The following FAXDC2 variants were observed in gnomAD, a reference collection of about 807,000 sequenced individuals.
FAXDC2 encodes the protein fatty acid hydroxylase domain-containing protein 2.
Under a neutral mutation model 40.9 loss-of-function variants are expected in FAXDC2, and 41 were observed. The ratio of observed to expected loss-of-function variants is 1.00; its 90% confidence interval spans 0.78 to 1.30. The LOEUF is 1.30. FAXDC2 is among the 50% of genes most tolerant of loss of function. FAXDC2 has a pLI of 0.00. For synonymous variants in FAXDC2, 157 were observed against 149.3 expected (o/e 1.05, Z -0.38); for missense variants, 390 against 408.8 (o/e 0.95, Z 0.40).
intron 1 of FAXDC2, among the ~76,000 whole-genome samples, chr5:154,848,130 T>G (rs145062374): frequency 1.3e-5 from 2 of 152,160 alleles, no homozygotes; most frequent in African/African-American, 4.8e-5. Context: ...TGAGCCACCA[T>G]GCCCGGCCTA....
At position 154,822,553 on chromosome 5, in the gene FAXDC2, G is replaced by A. The variant is rs1462723627; in HGVS notation, c.597C>T (p.Tyr199=). 3.1e-6 allele frequency: 5 copies of A among 1,614,130 alleles called. No individual in the cohort carries two copies. The highest frequency in any genetic ancestry group is 1.7e-5 in the Admixed American group (1 of 60,024). ...SHRLLHHPTF[Y]KKIHKKHHEW... ...CATGGTGTTTCTTGTGGATTTTCTT[G>A]TAGAATGTTGGGTGGTGAAGGAGCC... The change falls in exon 7 of 9, where the codon TAC becomes TAT. Residue 199 remains tyrosine, a synonymous_variant. Coordinates refer to ENST00000326080, the MANE Select transcript of FAXDC2 (RefSeq NM_032385.5).
intron 2 of FAXDC2, among the ~76,000 whole-genome samples, chr5:154,835,560 T>C (rs1760320756): frequency 6.6e-6 from 1 of 152,154 alleles, no homozygotes; most frequent in Admixed American, 6.5e-5. Context: ...AAGAGTGAAT[T>C]GTACACGTTT....
rs1051374577 is a variant in FAXDC2 at position 154,835,764 on chromosome 5, A to G, written c.49-830T>C. Among the ~76,000 whole-genome samples the G allele has an allele frequency of 4.0e-5, 6 of 151,176 alleles. No individual in the cohort carries two copies. The East Asian group carries it at 9.7e-4, about 25-fold the overall frequency. The stretch of plus-strand genomic sequence containing the variant: ...CCCGGCTAATTTTTTTGTATTTTTA[A>G]TAGAGACGGGGTTTCACTGTGTTAG... On this transcript the variant is annotated intron_variant, in intron 2 of 8. Transcript: ENST00000326080.
intron 4 of FAXDC2, among the ~76,000 whole-genome samples, chr5:154,832,221 T>G (rs1313362415): frequency 2.6e-5 from 4 of 151,608 alleles, no homozygotes; most frequent in Admixed American, 6.6e-5. Context: ...CTTTTGTTTT[T>G]TTTTTTTTTT....
chr5:154,849,202 C>G (rs1423370449), intron 1 of FAXDC2, among the ~76,000 whole-genome samples: 1 of 151,982 alleles, frequency 6.6e-6, no homozygotes, highest in Non-Finnish European at 1.5e-5. Flanking sequence ...ATCTCTTGAA[C>G]CCAGGAGGTG....
At chr5:154,843,797 A>G (rs890556109) in intron 1 of FAXDC2, among the ~76,000 whole-genome samples, 25 of 152,236 alleles carry the variant, frequency 1.6e-4, no homozygotes, top group African/African-American at 5.8e-4. Context: ...GAAGCAGTAT[A>G]CTTTTTATGA....
At chr5:154,831,532 C>T (rs918140538) in intron 4 of FAXDC2, among the ~76,000 whole-genome samples, 4 of 151,998 alleles carry the variant, frequency 2.6e-5, no homozygotes, top group Admixed American at 6.6e-5. Flanking sequence ...TCACTGTAGC[C>T]TCGACCTGCC....
chr5:154,828,138 C>T (rs1230122935), intron 5 of FAXDC2, among the ~76,000 whole-genome samples: 1 of 151,152 alleles, frequency 6.6e-6, no homozygotes, highest in Non-Finnish European at 1.5e-5. Context: ...CGTGAGCCAC[C>T]ACACCTGGCC....
At chr5:154,845,979 T>C (rs540306115) in intron 1 of FAXDC2, among the ~76,000 whole-genome samples, 2 of 151,528 alleles carry the variant, frequency 1.3e-5, no homozygotes, top group South Asian at 4.2e-4. Flanking sequence ...TATATATTTT[T>C]TTTTAGTAGA....
intron 2 of FAXDC2, 192 bp from the exon 3 acceptor site, chr5:154,835,126 A>G (rs1760310200): frequency 1.8e-6 from 1 of 551,162 alleles, no homozygotes; most frequent in Non-Finnish European, 3.2e-6. Context: ...CAGGCTGTAC[A>G]TGGGTGTGTT....
chr5:154,845,066 T>C (rs1409830528), intron 1 of FAXDC2, among the ~76,000 whole-genome samples: 1 of 152,260 alleles, frequency 6.6e-6, no homozygotes, highest in African/African-American at 2.4e-5. Context: ...TTTCCTGACA[T>C]GTCATTTATT....
chr5:154,834,036 ATAT>A (rs1438894234), intron 4 of FAXDC2, among the ~76,000 whole-genome samples: 3 of 148,604 alleles, frequency 2.0e-5, no homozygotes, highest in Non-Finnish European at 3.0e-5. Context: ...ATTATATGTC[ATAT>A]TAATAATATA....
At chr5:154,823,288 AC>A (rs1354638469) in intron 6 of FAXDC2, 98 bp downstream of exon 6, 18 of 1,116,858 alleles carry the variant, frequency 1.6e-5, no homozygotes, top group Non-Finnish European at 2.1e-5. Context: ...TGCCAGGATT[AC>A]AAGCGTGAGT....
rs1302708593 is a variant in FAXDC2, at chr5:154,839,166, A to G, written c.1-988T>C. ...CACCGCAAAACCACATCTCTACTGAAAACACAAAAATTAGCCAGGCATGGT... is the reference window on the plus strand; with the variant it reads ...CACCGCAAAACCACATCTCTACTGAGAACACAAAAATTAGCCAGGCATGGT... On this transcript the variant is annotated intron_variant, in intron 1 of 8. Coordinates refer to ENST00000326080, the MANE Select transcript of FAXDC2 (RefSeq NM_032385.5). Among the ~76,000 whole-genome samples, 4 of 151,910 alleles carry G rather than the reference A, an allele frequency of 2.6e-5. No individual in the cohort carries two copies. In the East Asian group the frequency reaches 7.8e-4, roughly 30 times the overall value.
Position 154,838,194 on chromosome 5 carries a change from A to C in FAXDC2, c.1-16T>G. The C allele has an allele frequency of 3.7e-6, 6 of 1,612,960 alleles. No homozygotes were observed. The highest frequency in any genetic ancestry group is 5.1e-6 in the Non-Finnish European group (6 of 1,179,394). ...CTCCTTTCATCTGGAATGAGAAAGC[A>C]CAGGCGAGCCGGGGAGTTATTTTCA... On this transcript the variant is annotated splice_polypyrimidine_tract_variant and intron_variant, in intron 1 of 8. Coordinates refer to ENST00000326080, the MANE Select transcript of FAXDC2 (RefSeq NM_032385.5).
chr5:154,834,035 CAT>C (rs1397967760), intron 4 of FAXDC2, among the ~76,000 whole-genome samples: 2 of 148,174 alleles, frequency 1.3e-5, no homozygotes, highest in Non-Finnish European at 3.0e-5. Context: ...TATTATATGT[CAT>C]ATTAATAATA....
At chr5:154,828,151 T>TTTTA (rs1439163810) in intron 5 of FAXDC2, among the ~76,000 whole-genome samples, 1 of 151,512 alleles carries the variant, frequency 6.6e-6, no homozygotes, top group Non-Finnish European at 1.5e-5. Context: ...ACCTGGCCTG[T>TTTTA]TTTATTTATT....
chr5:154,829,398 G>A (rs1760134870), intron 5 of FAXDC2: 1 of 154,158 alleles, frequency 6.5e-6, no homozygotes, highest in Admixed American at 6.5e-5. Flanking sequence ...AACAGCCAAA[G>A]ATTAAATGGC....
Position 154,830,843 on chromosome 5 carries a change from G to C in FAXDC2, c.324C>G (p.Asn108Lys). 6.2e-7 allele frequency: 1 copy of C among 1,614,190 alleles called. No homozygotes were observed. Among genetic ancestry groups the C allele is most frequent in the South Asian group, 1.1e-5 (1 of 91,084 alleles). The change falls in exon 5 of 9, where the codon AAC becomes AAG. Residue 108 changes from asparagine to lysine, a missense_variant. Physicochemically the swap from Asn to Lys is moderately conservative, Grantham distance 94. Transcript: ENST00000326080. ...CCTGAATTCGGTAGCGAGAGATGAA[G>C]TTAGGTTTTCCTGTTGTGTCAACCA... ...LLVVDTTGKP[N>K]FISRYRIQVG...
Sources: allele counts gnomAD v4.1 joint callset (sites outside exome capture counted in the v4.1 genomes callset), GRCh38; gene constraint gnomAD v4.1.1; transcripts MANE v1.5; gene names NCBI Gene and HGNC (gene_info 2026-07-23, HGNC 2026-07-21).